The following DNAH11 variants were observed in gnomAD, a reference collection of about 807,000 sequenced individuals.
DNAH11 encodes axonemal beta dynein heavy chain 11.
Under a neutral mutation model 526.0 loss-of-function variants are expected in DNAH11, and 442 were observed. That is an observed-to-expected ratio of 0.84 (90% CI 0.78 to 0.91). DNAH11 has a LOEUF of 0.91. Among genes scored for constraint, DNAH11 ranks in the 40% least tolerant of loss-of-function variants. The pLI is 0.00. For synonymous variants in DNAH11, 2,461 were observed against 1,935.9 expected, an observed-to-expected ratio of 1.27 and a Z score of -7.12; for missense variants, 6,989 against 5,448.7, an observed-to-expected ratio of 1.28 and a Z score of -8.90.
intron 79 of DNAH11, among the ~76,000 whole-genome samples, chr7:21,896,432 T>G (rs946146664): frequency 6.6e-6 from 1 of 152,214 alleles, no homozygotes; most frequent in Admixed American, 6.5e-5. Flanking sequence ...TAGCTTTGAT[T>G]GTAGAGGGTG....
intron 74 of DNAH11, among the ~76,000 whole-genome samples, chr7:21,875,564 G>A (rs565366316): frequency 6.6e-6 from 1 of 152,180 alleles, no homozygotes; most frequent in Non-Finnish European, 1.5e-5. Context: ...TTAGGAGGCT[G>A]AGAGGAGGAT....
chr7:21,735,826 A>G lies in DNAH11; in HGVS notation c.7627A>G (p.Thr2543Ala), dbSNP rs74546129. Residue 2543 changes from threonine to alanine, a missense_variant, in exon 46 of 82, where the codon ACA becomes GCA. Coordinates refer to ENST00000409508, the MANE Select transcript of DNAH11 (RefSeq NM_001277115.2). The stretch of plus-strand genomic sequence containing the variant: ...CCGTGTGCCTTTCAACTACTACACG[A>G]CATCCACAGCTCTGCAAAGTAAGTG... ...VSRVPFNYYT[T>A]STALQKILEK... The G allele has an allele frequency of 6.8e-6, 11 of 1,610,912 alleles. No individual in the cohort carries two copies. Among genetic ancestry groups the G allele is most frequent in the South Asian group, 3.3e-5 (3 of 90,606 alleles).
At chr7:21,578,689 C>T (rs1280485765) in intron 8 of DNAH11, among the ~76,000 whole-genome samples, 1 of 152,226 alleles carries the variant, frequency 6.6e-6, no homozygotes, top group East Asian at 1.9e-4. Flanking sequence ...CTGCAACTGA[C>T]TTCTGCCTAG....
At chr7:21,849,786 A>G (rs1782552890) in intron 66 of DNAH11, among the ~76,000 whole-genome samples, 1 of 152,054 alleles carries the variant, frequency 6.6e-6, no homozygotes, top group Non-Finnish European at 1.5e-5. Flanking sequence ...GCAATGACTA[A>G]GAGTTGATTT....
rs766727823 is a variant in DNAH11, at chr7:21,892,440, A to T, written c.12523A>T (p.Met4175Leu). Reference sequence around the variant, plus strand: ...GTGGTTCAAGACTGAAGATGAACTGATGCTGGCACCAGGTTTTGCTGCCCC... The same window carrying T: ...GTGGTTCAAGACTGAAGATGAACTGTTGCTGGCACCAGGTTTTGCTGCCCC... The part of the protein sequence containing the change: ...MNPSLTEDEL[M>L]LAPGFAAPPY... Residue 4175 changes from methionine to leucine, a missense_variant, in exon 77 of 82, where the codon ATG becomes TTG. Transcript: ENST00000409508. 6.2e-7 allele frequency: 1 copy of T among 1,610,842 alleles called. No homozygotes were observed. The highest frequency in any genetic ancestry group is 1.7e-5 in the Admixed American group (1 of 59,904).
intron 68 of DNAH11, among the ~76,000 whole-genome samples, chr7:21,857,684 G>C (rs1169164894): frequency 1.3e-5 from 2 of 152,154 alleles, no homozygotes; most frequent in African/African-American, 4.8e-5. Flanking sequence ...CAAATGCATG[G>C]TCAATTGATT....
At chr7:21,574,714 C>T (rs543045203) in intron 8 of DNAH11, among the ~76,000 whole-genome samples, 7 of 151,436 alleles carry the variant, frequency 4.6e-5, no homozygotes, top group African/African-American at 1.2e-4. Context: ...CAGGGGCACA[C>T]CACCACGCCC....
chr7:21,894,691 A>G lies in DNAH11; in HGVS notation c.12819A>G (p.Gln4273=), dbSNP rs747797186. The change falls in exon 78 of 82, where the codon CAA becomes CAG. Residue 4273 remains glutamine (Q), a synonymous_variant. Coordinates refer to ENST00000409508, the MANE Select transcript of DNAH11 (RefSeq NM_001277115.2). The part of the protein sequence containing the change: ...PEEFNMAEIM[Q]KNSNRSPYVL... ...AGTTCAACATGGCAGAGATAATGCA[A>G]AAAAATTCAAATAGAAGCCCATATG... 1 of 1,613,996 alleles carries G rather than the reference A, an allele frequency of 6.2e-7. No homozygotes were observed. Among genetic ancestry groups the G allele is most frequent in the Admixed American group, 1.7e-5 (1 of 60,012 alleles).
At chr7:21,805,161 C>T (rs1167902561) in intron 62 of DNAH11, among the ~76,000 whole-genome samples, 1 of 152,212 alleles carries the variant, frequency 6.6e-6, no homozygotes, top group Non-Finnish European at 1.5e-5. Context: ...AAGACCCCCA[C>T]TCGTTCACAC....
At position 21,616,215 on chromosome 7, in the gene DNAH11, A is replaced by G. The variant is rs1222727084; in HGVS notation, c.4018A>G (p.Ile1340Val). 6.2e-7 allele frequency: 1 copy of G among 1,613,468 alleles called. No homozygotes were observed. The highest frequency in any genetic ancestry group is 8.5e-7 in the Non-Finnish European group (1 of 1,179,576). ...WDVIIYVRRSIDNWTKTQWRQ... is the reference protein window; with the variant it reads ...WDVIIYVRRSVDNWTKTQWRQ... ...TCTGCTTTTGCGTTTTCAGAGAAGCATTGATAATTGGACTAAAACCCAGTG... is the reference window on the plus strand; with the variant it reads ...TCTGCTTTTGCGTTTTCAGAGAAGCGTTGATAATTGGACTAAAACCCAGTG... Residue 1340 changes from isoleucine to valine, a missense_variant, in exon 22 of 82, where the codon ATT becomes GTT. Ile to Val is a conservative substitution (Grantham distance 29). Coordinates refer to ENST00000409508, the MANE Select transcript of DNAH11 (RefSeq NM_001277115.2).
intron 30 of DNAH11, among the ~76,000 whole-genome samples, chr7:21,681,009 C>G (rs1783114053): frequency 6.6e-6 from 1 of 152,132 alleles, no homozygotes; most frequent in Non-Finnish European, 1.5e-5. Context: ...GCCGGGAAAC[C>G]CTGTGTCTTC....
At chr7:21,612,351 C>T (rs111599276) in intron 20 of DNAH11, among the ~76,000 whole-genome samples, 56 of 151,978 alleles carry the variant, frequency 3.7e-4, no homozygotes, top group African/African-American at 8.4e-4. Flanking sequence ...GTCAGGAGAT[C>T]GAGACCATCC....
chr7:21,806,056 A>C (rs975607066), intron 62 of DNAH11, among the ~76,000 whole-genome samples: 2 of 152,222 alleles, frequency 1.3e-5, no homozygotes, highest in African/African-American at 4.8e-5. Flanking sequence ...CAGGCAATCT[A>C]TAATGCATTA....
intron 46 of DNAH11, among the ~76,000 whole-genome samples, chr7:21,736,731 G>A (rs1438655091): frequency 2.6e-5 from 4 of 152,148 alleles, no homozygotes; most frequent in Non-Finnish European, 4.4e-5. Flanking sequence ...GTACATGCTG[G>A]TAATCCCAGC....
At chr7:21,633,788 A>G (rs948024821) in intron 25 of DNAH11, among the ~76,000 whole-genome samples, 3 of 152,248 alleles carry the variant, frequency 2.0e-5, no homozygotes, top group African/African-American at 7.2e-5. Context: ...GATGGTGCTC[A>G]TGCTGAGACT....
chr7:21,562,328 A>G (rs1285931250), intron 5 of DNAH11, among the ~76,000 whole-genome samples: 2 of 152,174 alleles, frequency 1.3e-5, no homozygotes, highest in Non-Finnish European at 2.9e-5. Context: ...GACATGGCCA[A>G]ATGTCCCCTG....
rs73682656 is a variant in DNAH11 at position 21,635,968 on chromosome 7, T to A, written c.4598T>A (p.Ile1533Asn). Reference sequence around the variant, plus strand: ...AAATTAAACATAGCAGACTTGGTCATCTTCACTTGGATGGAAGTCCAGCGA... The same window carrying A: ...AAATTAAACATAGCAGACTTGGTCAACTTCACTTGGATGGAAGTCCAGCGA... ...QNKLNIADLV[I>N]FTWMEVQRTW... is the part of the protein sequence containing the mutation. The change falls in exon 26 of 82, where the codon ATC becomes AAC. Residue 1533 changes from isoleucine to asparagine, a missense_variant. By Grantham distance (149) the Ile-to-Asn change is moderately radical. Coordinates refer to ENST00000409508, the MANE Select transcript of DNAH11 (RefSeq NM_001277115.2). 1 of 1,613,720 alleles carries A rather than the reference T, an allele frequency of 6.2e-7. No homozygotes were observed. Among genetic ancestry groups the A allele is most frequent in the Non-Finnish European group, 8.5e-7 (1 of 1,179,760 alleles).
Position 21,589,408 on chromosome 7 carries a change from G to T in DNAH11, c.2169+5G>T. 6.3e-7 allele frequency: 1 copy of T among 1,585,032 alleles called. No homozygotes were observed. On this transcript the variant is annotated splice_donor_5th_base_variant and intron_variant, in intron 12 of 81. Coordinates refer to ENST00000409508, the MANE Select transcript of DNAH11 (RefSeq NM_001277115.2). ...TGTGTCAATTTTGACCCAAAGGTAG[G>T]GATTTGATTTTTTAAGATGATTTAT...
At chr7:21,649,999 G>C (rs1787554303) in intron 28 of DNAH11, among the ~76,000 whole-genome samples, 1 of 152,010 alleles carries the variant, frequency 6.6e-6, no homozygotes, top group Non-Finnish European at 1.5e-5. Context: ...GTAAGCACAA[G>C]AGTTGTGCTT....
Sources: allele counts gnomAD v4.1 joint callset (sites outside exome capture counted in the v4.1 genomes callset), GRCh38; gene constraint gnomAD v4.1.1; transcripts MANE v1.5; gene names NCBI Gene and HGNC (gene_info 2026-07-23, HGNC 2026-07-21).